PDSS2: variants seen among roughly 807,000 people sequenced by gnomAD.
PDSS2 encodes all trans-polyprenyl-diphosphate synthase PDSS2.
Under a neutral mutation model 44.5 loss-of-function variants are expected in PDSS2, and 31 were observed. The observed-to-expected ratio is 0.70, with a 90% CI of 0.52 to 0.94. The LOEUF is 0.94. PDSS2 is among the 40% of genes least tolerant of loss of function. The probability of loss-of-function intolerance (pLI) is 0.00; values close to 1 mark genes in which losing one functional copy is unlikely to be tolerated. For synonymous variants in PDSS2, 157 were observed against 180.3 expected (o/e 0.87, Z 1.03); for missense variants, 452 against 482.2 (o/e 0.94, Z 0.59).
chr6:107,401,460 C>G (rs1345334847), intron 1 of PDSS2, among the ~76,000 whole-genome samples: 1 of 151,950 alleles, frequency 6.6e-6, no homozygotes, highest in Non-Finnish European at 1.5e-5. Context: ...TAAAAAGAAG[C>G]GACTGTTACC....
chr6:107,310,182 G>T (rs1003323489), intron 2 of PDSS2, among the ~76,000 whole-genome samples: 3 of 151,462 alleles, frequency 2.0e-5, no homozygotes, highest in Non-Finnish European at 4.4e-5. Flanking sequence ...CTACTCGGGA[G>T]GCTGAGGCAG....
chr6:107,198,982 T>C (rs192238984), intron 6 of PDSS2, among the ~76,000 whole-genome samples: 2 of 152,246 alleles, frequency 1.3e-5, no homozygotes, highest in East Asian at 3.9e-4. Context: ...GGTGACAGAA[T>C]GAGACCCTGT....
intron 1 of PDSS2, among the ~76,000 whole-genome samples, chr6:107,381,256 T>C (rs971998445): frequency 5.9e-5 from 9 of 152,184 alleles, no homozygotes; most frequent in Non-Finnish European, 1.3e-4. Context: ...AGGAGCCAAA[T>C]CCAGCCCATC....
chr6:107,266,253 T>C (rs1775407920), intron 3 of PDSS2, among the ~76,000 whole-genome samples: 1 of 152,176 alleles, frequency 6.6e-6, no homozygotes, highest in African/African-American at 2.4e-5. Flanking sequence ...CAGTTTAAAA[T>C]ACTGTTCACC....
intron 1 of PDSS2, among the ~76,000 whole-genome samples, chr6:107,406,737 G>A (rs574602976): frequency 3.2e-4 from 49 of 152,322 alleles, no homozygotes; most frequent in African/African-American, 1.1e-3. Context: ...GCTATATCAA[G>A]AAGGTCAAAT....
chr6:107,263,963 G>A (rs1244464914), intron 3 of PDSS2, among the ~76,000 whole-genome samples: 2 of 152,116 alleles, frequency 1.3e-5, no homozygotes, highest in Non-Finnish European at 2.9e-5. Flanking sequence ...ACTTGAGTGG[G>A]TTACATGTAT....
chr6:107,288,101 G>T (rs750636650), intron 2 of PDSS2, among the ~76,000 whole-genome samples: 4 of 148,442 alleles, frequency 2.7e-5, no homozygotes, highest in Non-Finnish European at 6.0e-5. Context: ...CTCCCACCTC[G>T]GTTTCCCAAA....
intron 1 of PDSS2, among the ~76,000 whole-genome samples, chr6:107,426,819 C>T (rs1781020529): frequency 6.6e-6 from 1 of 152,150 alleles, no homozygotes; most frequent in African/African-American, 2.4e-5. Context: ...TGGCCAATTT[C>T]TCCCATTTGA....
At chr6:107,402,479 C>CACATATATACTTATATATATGTATACAT (rs1780155404) in intron 1 of PDSS2, among the ~76,000 whole-genome samples, 1 of 43,370 alleles carries the variant, frequency 2.3e-5, no homozygotes, top group Non-Finnish European at 3.7e-5. Flanking sequence ...TATATGTATA[C>CACATATATACTTATATATATGTATACAT]ATATATACGT....
intron 6 of PDSS2, among the ~76,000 whole-genome samples, chr6:107,194,877 C>T (rs1379501471): frequency 3.9e-5 from 6 of 152,216 alleles, no homozygotes; most frequent in Admixed American, 3.3e-4. Context: ...TCGCTTGAAC[C>T]CAGGAGGCGG....
intron 7 of PDSS2, among the ~76,000 whole-genome samples, chr6:107,184,527 C>A (rs1772097238): frequency 6.6e-6 from 1 of 152,194 alleles, no homozygotes; most frequent in Admixed American, 6.5e-5. Flanking sequence ...TGTGATCATG[C>A]AAATGCAAAT....
At chr6:107,451,767 C>A (rs373150252) in intron 1 of PDSS2, among the ~76,000 whole-genome samples, 5 of 152,256 alleles carry the variant, frequency 3.3e-5, no homozygotes, top group Admixed American at 1.3e-4. Context: ...TCCCAGAGCT[C>A]GGGGCCTTTG....
chr6:107,351,312 T>C (rs989569848), intron 1 of PDSS2, among the ~76,000 whole-genome samples: 5 of 152,238 alleles, frequency 3.3e-5, no homozygotes, highest in Non-Finnish European at 7.4e-5. Context: ...AATACAGCTG[T>C]ATTGTTTGTA....
At chr6:107,437,103 C>G in intron 1 of PDSS2, among the ~76,000 whole-genome samples, 1 of 152,134 alleles carries the variant, frequency 6.6e-6, no homozygotes, top group African/African-American at 2.4e-5. Flanking sequence ...GGCCTCGAGC[C>G]ATTCTCCCAC....
At chr6:107,283,962 G>T (rs572720370) in intron 2 of PDSS2, among the ~76,000 whole-genome samples, 6 of 151,782 alleles carry the variant, frequency 4.0e-5, no homozygotes, top group South Asian at 2.1e-4. Flanking sequence ...GGAGGTGGAG[G>T]TTGCCATGAG....
At chr6:107,382,400 T>C (rs1779479902) in intron 1 of PDSS2, among the ~76,000 whole-genome samples, 1 of 152,160 alleles carries the variant, frequency 6.6e-6, no homozygotes, top group Non-Finnish European at 1.5e-5. Flanking sequence ...CAAAAGGATA[T>C]GGGCAATGGG....
intron 1 of PDSS2, among the ~76,000 whole-genome samples, chr6:107,335,059 G>A (rs746006261): frequency 5.9e-5 from 9 of 151,728 alleles, no homozygotes; most frequent in Non-Finnish European, 1.2e-4. Flanking sequence ...GGCTGACGAC[G>A]GAGAATGATT....
chr6:107,243,860 G>A (rs912959710), intron 4 of PDSS2, among the ~76,000 whole-genome samples: 3 of 152,162 alleles, frequency 2.0e-5, no homozygotes, highest in Non-Finnish European at 4.4e-5. Flanking sequence ...TGGGCATGGT[G>A]GCTCACACCT....
rs1554282547 is a variant in PDSS2 at position 107,445,188 on chromosome 6, T to TA, written c.296+13801_296+13802insT. 7.7e-3 allele frequency among the ~76,000 whole-genome samples: 1,148 copies of TA among 149,878 alleles called. 39 individuals carry two copies. The East Asian group carries it at 0.11, about 14-fold the overall frequency. ...TATAATTTTTTATAAATTACATATTTTATATATATATATATTGCACAAGTG... is the reference window on the plus strand; with the variant it reads ...TATAATTTTTTATAAATTACATATTTATATATATATATATATTGCACAAGTG... On this transcript the variant is annotated intron_variant, in intron 1 of 7. Transcript: ENST00000369037.
Sources: gnomAD v4.1 joint callset for allele counts (sites outside exome capture counted in the v4.1 genomes callset) on GRCh38, gnomAD v4.1.1 for gene constraint, MANE v1.5 for transcripts, NCBI Gene and HGNC (gene_info 2026-07-23, HGNC 2026-07-21) for gene names.